Variants in ABHD17C observed in about 807,000 individuals in gnomAD.
ABHD17C encodes alpha/beta hydrolase domain-containing protein 17C.
ABHD17C carries 11 observed loss-of-function variants against 27.9 expected under a neutral mutation model. The ratio of observed to expected loss-of-function variants is 0.39; its 90% CI spans 0.25 to 0.65. The LOEUF (loss-of-function observed/expected upper bound fraction) is 0.65, where lower values mean the gene tolerates loss of function less well. ABHD17C is among the 30% of genes least tolerant of loss of function. The probability of loss-of-function intolerance (pLI) is 0.45; values close to 1 mark genes in which losing one functional copy is unlikely to be tolerated. For missense variants in ABHD17C, 280 were observed against 470.2 expected (o/e 0.60, Z 3.74); for synonymous variants, 233 against 209.1 (o/e 1.11, Z -0.98).
intron 1 of ABHD17C, among the ~76,000 whole-genome samples, chr15:80,697,780 A>C (rs1894514167): frequency 6.6e-6 from 1 of 152,214 alleles, no homozygotes; most frequent in Non-Finnish European, 1.5e-5. Flanking sequence ...TGATTTATTT[A>C]ATGTTATACC....
Position 80,696,022 on chromosome 15 carries a change from G to T in ABHD17C, c.590+3G>T. On this transcript the variant is annotated splice_donor_region_variant and intron_variant, in intron 1 of 2. Transcript: ENST00000258884. Reference sequence around the variant, plus strand: ...GCGTGGCAGGCGCTGCGCACCCGGTGAGCCTGCCGGGGTCGCCAGGCCTGA... The same window carrying T: ...GCGTGGCAGGCGCTGCGCACCCGGTTAGCCTGCCGGGGTCGCCAGGCCTGA... 1 of 1,561,598 alleles carries T rather than the reference G, an allele frequency of 6.4e-7. No homozygotes were observed. Among genetic ancestry groups the T allele is most frequent in the East Asian group, 2.3e-5 (1 of 42,778 alleles).
intron 2 of ABHD17C, among the ~76,000 whole-genome samples, chr15:80,750,090 G>A (rs1428964550): frequency 6.6e-6 from 1 of 152,182 alleles, no homozygotes; most frequent in Non-Finnish European, 1.5e-5. Flanking sequence ...AACTAGTGGT[G>A]TAGACACTCA....
intron 1 of ABHD17C, among the ~76,000 whole-genome samples, chr15:80,740,258 A>T (rs1170255538): frequency 6.6e-6 from 1 of 151,872 alleles, no homozygotes; most frequent in Non-Finnish European, 1.5e-5. Context: ...CTTTCTTCTG[A>T]GCTATATCTT....
chr15:80,709,005 A>G (rs1894689945), intron 1 of ABHD17C, among the ~76,000 whole-genome samples: 1 of 152,132 alleles, frequency 6.6e-6, no homozygotes, highest in African/African-American at 2.4e-5. Context: ...CCATGCTTGT[A>G]CAATATTACC....
At chr15:80,749,775 T>C in intron 2 of ABHD17C, 83 bp downstream of exon 2, 1 of 1,467,204 alleles carries the variant, frequency 6.8e-7, no homozygotes, top group Non-Finnish European at 9.3e-7. Flanking sequence ...TCTGTGTAAA[T>C]ATTTATTGAA....
rs7166728 is a variant in ABHD17C, at chr15:80,754,662, C to T, written c.*292C>T. On this transcript the variant is annotated 3_prime_UTR_variant, in exon 3 of 3. Coordinates refer to ENST00000258884, the MANE Select transcript of ABHD17C (RefSeq NM_021214.2). ...TTTCTAGTGCTGTATAAAGTAGCCT[C>T]GCATCTGTTTCTCAACCTTATCCAT... The T allele has an allele frequency of 0.13, 36,831 of 288,304 alleles. 2,965 individuals carry two copies. The highest frequency in any genetic ancestry group is 0.15 in the Non-Finnish European group (23,257 of 152,646). 17.9% of individuals were successfully genotyped at this position (288,304 alleles called of 1,614,324 possible).
chr15:80,695,730 C>T lies in ABHD17C; in HGVS notation c.301C>T (p.Gln101Ter). ...CGAGCGCGCCGACTGGCAGTACTCG[C>T]AGCGCGAGCTGGACGCCGTCGAGGT... Reference protein sequence around the residue: ...LSERADWQYSQRELDAVEVFF... With the variant: ...LSERADWQYS Residue 101 changes from glutamine to a stop codon, truncating the protein, a stop_gained, in exon 1 of 3, where the codon CAG becomes TAG. Transcript: ENST00000258884. LOFTEE classifies it high-confidence loss of function. This position sits in a 1 kb window ranked among gnomAD's most constrained non-coding sequence, Gnocchi z 4.3. 6.5e-7 allele frequency: 1 copy of T among 1,533,988 alleles called. No homozygotes were observed.
At chr15:80,719,412 C>T (rs1178599782) in intron 1 of ABHD17C, among the ~76,000 whole-genome samples, 1 of 152,182 alleles carries the variant, frequency 6.6e-6, no homozygotes, top group Non-Finnish European at 1.5e-5. Context: ...CATGAGCACC[C>T]GAACTCTCCT....
At chr15:80,708,082 T>C (rs913758769) in intron 1 of ABHD17C, among the ~76,000 whole-genome samples, 1 of 152,134 alleles carries the variant, frequency 6.6e-6, no homozygotes, top group Non-Finnish European at 1.5e-5. Flanking sequence ...CCCCTGTCAC[T>C]CTCTTCCTTT....
At chr15:80,713,830 T>C (rs971110747) in intron 1 of ABHD17C, among the ~76,000 whole-genome samples, 13 of 150,120 alleles carry the variant, frequency 8.7e-5, no homozygotes, top group African/African-American at 3.2e-4. Context: ...ACAAAAAACA[T>C]TGAGGTACAC....
chr15:80,731,955 C>T lies in ABHD17C; in HGVS notation c.591-17558C>T, dbSNP rs1895062992. 2.0e-5 allele frequency among the ~76,000 whole-genome samples: 3 copies of T among 152,294 alleles called. No homozygotes were observed. In the South Asian group the frequency reaches 6.2e-4, roughly 32 times the overall value. On this transcript the variant is annotated intron_variant, in intron 1 of 2. Transcript: ENST00000258884. ...GGACATGTGCCTTGTGCAGCCATCA[C>T]CACCATTCATCTCTAGAACTTCATC...
At chr15:80,728,328 G>A (rs768692447) in intron 1 of ABHD17C, among the ~76,000 whole-genome samples, 6 of 152,088 alleles carry the variant, frequency 3.9e-5, no homozygotes, top group Non-Finnish European at 7.4e-5. Flanking sequence ...GATGTACAGG[G>A]GCCTTCTAAG....
At chr15:80,728,033 T>TA (rs1321547027) in intron 1 of ABHD17C, among the ~76,000 whole-genome samples, 2 of 152,176 alleles carry the variant, frequency 1.3e-5, no homozygotes, top group Non-Finnish European at 2.9e-5. Flanking sequence ...CTCTGCTGCC[T>TA]AAGAGCGTTG....
chr15:80,725,052 G>A (rs920824318), intron 1 of ABHD17C, among the ~76,000 whole-genome samples: 4 of 152,170 alleles, frequency 2.6e-5, no homozygotes, highest in African/African-American at 9.7e-5. Flanking sequence ...GTCAAACAAA[G>A]AATTGCAGGG....
At position 80,710,710 on chromosome 15, in the gene ABHD17C, A is replaced by AT. The variant is rs1225695861; in HGVS notation, c.590+14699dup. 2.6e-5 allele frequency among the ~76,000 whole-genome samples: 4 copies of AT among 151,770 alleles called. No homozygotes were observed. The East Asian group carries it at 5.8e-4, about 22-fold the overall frequency. On this transcript the variant is annotated intron_variant, in intron 1 of 2. Coordinates refer to ENST00000258884, the MANE Select transcript of ABHD17C (RefSeq NM_021214.2). ...ACAGGAAAACTAGAAACTGAGACTG[A>AT]TTTTTTTTCTTTTTTTTCTTTCAGT...
At chr15:80,712,843 C>T (rs992295896) in intron 1 of ABHD17C, among the ~76,000 whole-genome samples, 3 of 152,198 alleles carry the variant, frequency 2.0e-5, no homozygotes, top group African/African-American at 4.8e-5. Flanking sequence ...AGCTTCATCT[C>T]CTCGGATCCA....
At chr15:80,697,690 C>G (rs1377112741) in intron 1 of ABHD17C, among the ~76,000 whole-genome samples, 2 of 151,474 alleles carry the variant, frequency 1.3e-5, no homozygotes. Flanking sequence ...GTTGAATTAT[C>G]TGATAGTGTA....
In ABHD17C at chr15:80,695,494, G is replaced by A. The variant is rs1164280050; in HGVS notation, c.65G>A (p.Cys22Tyr). 1.4e-6 allele frequency: 2 copies of A among 1,389,668 alleles called. 1 individual carries two copies. Among genetic ancestry groups the A allele is most frequent in the African/African-American group, 3.1e-5 (2 of 65,402 alleles). The allele number at this position is 1,389,668 out of a possible 1,614,324, so 86.1% of individuals were successfully genotyped here. A position where few individuals can be genotyped will look rare whatever the true frequency, so the allele number is the denominator to read the frequency against. The change falls in exon 1 of 3, where the codon TGC becomes TAC. Residue 22 changes from cysteine to tyrosine, a missense_variant. Around this residue, in one of 2 missense-constraint regions of ABHD17C, gnomAD observed 74 missense variants for 75.5 expected, o/e 0.98. Coordinates refer to ENST00000258884, the MANE Select transcript of ABHD17C (RefSeq NM_021214.2). The surrounding 1 kb of genome is among the most constrained non-coding windows in gnomAD (Gnocchi z 4.3). ...SLGELCWLFC[C>Y]PPCPSRIAAK... ...GGTGAGCTGTGCTGGCTCTTCTGCT[G>A]CCCGCCCTGCCCGAGCCGCATCGCC... is the stretch of plus-strand genomic sequence containing the variant.
chr15:80,729,042 C>T (rs2627323), intron 1 of ABHD17C, among the ~76,000 whole-genome samples: 49,740 of 152,210 alleles, frequency 0.33, 10,205 homozygotes, highest in Non-Finnish European at 0.47. Context: ...TAGCATTTAT[C>T]ATCAGATTGT....
Sources: allele counts gnomAD v4.1 joint callset (sites outside exome capture counted in the v4.1 genomes callset), GRCh38; gene constraint gnomAD v4.1.1; regional missense constraint gnomAD v4.1.1; non-coding constraint Gnocchi (gnomAD v3.1); transcripts MANE v1.5; gene names NCBI Gene and HGNC (gene_info 2026-07-23, HGNC 2026-07-21).